RPS6KC1: variants seen among roughly 807,000 people sequenced by gnomAD.
RPS6KC1 encodes ribosomal protein S6 kinase C1, also known as inactive ribosomal protein S6 kinase delta-1.
A neutral mutation model predicts 103.8 loss-of-function variants in RPS6KC1; 54 were observed. The observed-to-expected ratio is 0.52, with a 90% confidence interval of 0.42 to 0.65. The LOEUF (loss-of-function observed/expected upper bound fraction) is 0.65. Ranked by LOEUF, RPS6KC1 falls within the 30% of genes least tolerant of loss-of-function variation. RPS6KC1 has a pLI of 0.00. For missense variants in RPS6KC1, 1,151 were observed against 1,253.8 expected (o/e 0.92, Z 1.24); for synonymous variants, 439 against 438.7 (o/e 1.00, Z -0.01).
At chr1:213,665,945 A>G in the RPS6KC1 span, among the ~76,000 whole-genome samples, 1 of 152,238 alleles carries the variant, frequency 6.6e-6, no homozygotes, top group Non-Finnish European at 1.5e-5. Context: ...TACACTGTAA[A>G]CCCATTATAT....
the RPS6KC1 span, among the ~76,000 whole-genome samples, chr1:213,518,865 A>G: frequency 2.6e-5 from 4 of 152,192 alleles, no homozygotes; most frequent in African/African-American, 4.8e-5. Flanking sequence ...GGGCTGTAGA[A>G]TGGGGATGAG....
At chr1:213,237,184 C>T (rs2094241570) in intron 10 of RPS6KC1, among the ~76,000 whole-genome samples, 3 of 151,930 alleles carry the variant, frequency 2.0e-5, no homozygotes, top group Admixed American at 1.3e-4. Context: ...ATATTTAGGT[C>T]CATATTAAGA....
chr1:213,804,124 T>G, the RPS6KC1 span, among the ~76,000 whole-genome samples: 1 of 130,102 alleles, frequency 7.7e-6, no homozygotes, highest in East Asian at 2.2e-4. Flanking sequence ...AAAAAAAAAT[T>G]TACAAAAATA....
chr1:213,744,304 T>C, the RPS6KC1 span, among the ~76,000 whole-genome samples: 2 of 151,382 alleles, frequency 1.3e-5, no homozygotes, highest in Admixed American at 6.6e-5. Context: ...AATAATGATA[T>C]AAAAAAAATA....
the RPS6KC1 span, among the ~76,000 whole-genome samples, chr1:213,327,533 G>T: frequency 1.3e-5 from 2 of 152,176 alleles, no homozygotes; most frequent in Non-Finnish European, 2.9e-5. Context: ...CTTGAAGACA[G>T]AACTTCATTT....
chr1:213,834,699 C>G, the RPS6KC1 span, among the ~76,000 whole-genome samples: 1 of 148,888 alleles, frequency 6.7e-6, no homozygotes, highest in Non-Finnish European at 1.5e-5. Flanking sequence ...CAAACACACA[C>G]ACACACACGT....
At chr1:213,071,090 C>G (rs1226938625) in intron 2 of RPS6KC1, 49 bp downstream of exon 2, 2 of 1,162,452 alleles carry the variant, frequency 1.7e-6, no homozygotes, top group East Asian at 5.3e-5. Flanking sequence ...AAAAATTTAA[C>G]TAAATGCTTT....
At chr1:213,453,214 A>G in the RPS6KC1 span, among the ~76,000 whole-genome samples, 4 of 152,154 alleles carry the variant, frequency 2.6e-5, no homozygotes, top group East Asian at 1.9e-4. Context: ...CATTTATTCA[A>G]TAAATAGTTA....
chr1:213,505,968 A>G, the RPS6KC1 span, among the ~76,000 whole-genome samples: 1 of 152,188 alleles, frequency 6.6e-6, no homozygotes, highest in Non-Finnish European at 1.5e-5. Context: ...GTGTCAGGCC[A>G]TCCTGTAGCT....
At chr1:213,800,500 ATCTGG>A in the RPS6KC1 span, among the ~76,000 whole-genome samples, 1 of 142,664 alleles carries the variant, frequency 7.0e-6, no homozygotes, top group Non-Finnish European at 1.5e-5. Flanking sequence ...GGTTGGACAA[ATCTGG>A]TCATGGTTGC....
At chr1:213,681,795 C>A in the RPS6KC1 span, among the ~76,000 whole-genome samples, 3 of 149,460 alleles carry the variant, frequency 2.0e-5, no homozygotes. Flanking sequence ...GAGACTGTCT[C>A]AAAAAAAAAT....
intron 8 of RPS6KC1, among the ~76,000 whole-genome samples, chr1:213,218,690 A>G (rs2093737724): frequency 6.6e-6 from 1 of 152,220 alleles, no homozygotes. Context: ...CCAATGGAAC[A>G]GAACAGAGCC....
the RPS6KC1 span, among the ~76,000 whole-genome samples, chr1:213,498,410 A>G: frequency 5.7e-4 from 87 of 152,296 alleles, no homozygotes; most frequent in African/African-American, 1.6e-3. Context: ...CTTTTGATAA[A>G]ATTAAGCAAT....
the RPS6KC1 span, among the ~76,000 whole-genome samples, chr1:213,552,670 A>G: frequency 4.6e-5 from 7 of 152,294 alleles, 1 homozygote; most frequent in African/African-American, 1.7e-4. Flanking sequence ...AAACTGACAT[A>G]AAGTCTCAAT....
chr1:213,692,169 A>T, the RPS6KC1 span, among the ~76,000 whole-genome samples: 1 of 152,134 alleles, frequency 6.6e-6, no homozygotes, highest in Non-Finnish European at 1.5e-5. Context: ...TTGGGAGGCC[A>T]AGACAGACAG....
chr1:213,128,575 T>C lies in RPS6KC1; in HGVS notation c.473-952T>C, dbSNP rs566870993. On this transcript the variant is annotated intron_variant, in intron 5 of 14. Transcript: ENST00000366960. ...ATGAACTAGGAGAAGGAATTTTCAC[T>C]GCTAAATAATTCAGTAGCACCTATT... 2.6e-5 allele frequency among the ~76,000 whole-genome samples: 4 copies of C among 152,334 alleles called. No homozygotes were observed. The South Asian group carries it at 8.3e-4, about 32-fold the overall frequency.
At chr1:213,429,316 G>A in the RPS6KC1 span, among the ~76,000 whole-genome samples, 1 of 152,058 alleles carries the variant, frequency 6.6e-6, no homozygotes, top group Non-Finnish European at 1.5e-5. Flanking sequence ...ACCATGCCCA[G>A]CTAAGTTTTG....
the RPS6KC1 span, among the ~76,000 whole-genome samples, chr1:213,347,505 A>G: frequency 6.6e-6 from 1 of 152,172 alleles, no homozygotes; most frequent in African/African-American, 2.4e-5. Flanking sequence ...GGAGTTTGAG[A>G]CCAGCCTGGT....
the RPS6KC1 span, among the ~76,000 whole-genome samples, chr1:213,555,469 T>A: frequency 6.6e-6 from 1 of 152,232 alleles, no homozygotes; most frequent in Non-Finnish European, 1.5e-5. Context: ...TTGTTTTCGC[T>A]TTTGTTTTTT....
Sources: allele counts gnomAD v4.1 joint callset (sites outside exome capture counted in the v4.1 genomes callset), GRCh38; gene constraint gnomAD v4.1.1; transcripts MANE v1.5; gene names NCBI Gene and HGNC (gene_info 2026-07-23, HGNC 2026-07-21).